The following PFKFB3 variants were observed in gnomAD, a reference collection of about 807,000 sequenced individuals.
PFKFB3 encodes the protein 6-phosphofructo-2-kinase/fructose-2,6-biphosphatase 3, also known as 6-phosphofructo-2-kinase/fructose-2,6-bisphosphatase 3.
A neutral mutation model predicts 68.0 loss-of-function variants in PFKFB3; 33 were observed. The ratio of observed to expected loss-of-function variants is 0.49; its 90% confidence interval spans 0.37 to 0.65. The LOEUF (loss-of-function observed/expected upper bound fraction) is 0.65. Ranked by LOEUF, PFKFB3 falls within the 30% of genes least tolerant of loss-of-function variation. The pLI, the probability that PFKFB3 is intolerant of heterozygous loss-of-function variation, is 0.00. For missense variants in PFKFB3, 586 were observed against 712.2 expected (o/e 0.82, Z 2.02); for synonymous variants, 315 against 288.2 (o/e 1.09, Z -0.94).
downstream of PFKFB3, among the ~76,000 whole-genome samples, chr10:6,236,500 G>A (rs1846015258): frequency 6.6e-6 from 1 of 152,170 alleles, no homozygotes. Flanking sequence ...CATCCCTTAG[G>A]CGCCTGCCGC....
chr10:6,260,295 C>G, the PFKFB3 span, among the ~76,000 whole-genome samples: 2 of 151,778 alleles, frequency 1.3e-5, no homozygotes, highest in Non-Finnish European at 1.5e-5. Context: ...TTCCTGTAGT[C>G]CTAGCTACAC....
At chr10:6,208,371 C>CTTGTTTTTTTTTTTT (rs1843932185) in intron 1 of PFKFB3, among the ~76,000 whole-genome samples, 1 of 60,624 alleles carries the variant, frequency 1.6e-5, no homozygotes, top group African/African-American at 6.7e-5. Flanking sequence ...GGTACCTGGC[C>CTTGTTTTTTTTTTTT]TTTTTTTTTT....
At chr10:6,313,333 T>C in the PFKFB3 span, among the ~76,000 whole-genome samples, 1 of 152,240 alleles carries the variant, frequency 6.6e-6, no homozygotes, top group African/African-American at 2.4e-5. This position sits in a 1 kb window ranked among gnomAD's most constrained non-coding sequence, Gnocchi z 4.2. Context: ...TGGCTGTTAC[T>C]ATCATTCATT....
At chr10:6,159,081 A>G (rs577551561) in intron 1 of PFKFB3, among the ~76,000 whole-genome samples, 2 of 152,228 alleles carry the variant, frequency 1.3e-5, no homozygotes, top group African/African-American at 4.8e-5. Flanking sequence ...AACTCTCAAT[A>G]TTGTTGATGA....
chr10:6,224,061 G>A (rs1340283353), intron 12 of PFKFB3, 41 bp downstream of exon 12: 1 of 1,612,532 alleles, frequency 6.2e-7, no homozygotes, highest in South Asian at 1.1e-5. Context: ...CCCTGAAGGT[G>A]GCCACAGTAG....
At chr10:6,319,201 A>G in the PFKFB3 span, among the ~76,000 whole-genome samples, 11 of 152,220 alleles carry the variant, frequency 7.2e-5, no homozygotes, top group African/African-American at 2.2e-4. Flanking sequence ...TAAAAGAGAT[A>G]CCTGCACTCC....
At chr10:6,151,319 C>T (rs1188428451) in intron 1 of PFKFB3, among the ~76,000 whole-genome samples, 2 of 151,310 alleles carry the variant, frequency 1.3e-5, no homozygotes, top group Non-Finnish European at 2.9e-5. Context: ...CGCAAGCAGC[C>T]TTTCCAGCTG....
the PFKFB3 span, among the ~76,000 whole-genome samples, chr10:6,307,330 T>TCCACAC: frequency 1.0e-5 from 1 of 99,186 alleles, no homozygotes; most frequent in Non-Finnish European, 2.6e-5. Flanking sequence ...GCATGCGTAC[T>TCCACAC]ACACACACAC....
rs561240687 is a variant in PFKFB3 at position 6,174,364 on chromosome 10, T to C, written c.16+29351T>C. ...GGGTTCTTAGAAGAGTCCTCTCTGG[T>C]AAACAATAAACAAGTGCTGTTCCGT... On this transcript the variant is annotated intron_variant, in intron 1 of 14. Coordinates refer to the PFKFB3 transcript ENST00000379789. 2.6e-5 allele frequency among the ~76,000 whole-genome samples: 4 copies of C among 152,322 alleles called. No homozygotes were observed. In the South Asian group the frequency reaches 8.3e-4, roughly 32 times the overall value.
At chr10:6,175,101 A>C (rs1002797432) in intron 1 of PFKFB3, among the ~76,000 whole-genome samples, 1 of 152,214 alleles carries the variant, frequency 6.6e-6, no homozygotes, top group Non-Finnish European at 1.5e-5. Flanking sequence ...GGCGTGAGCC[A>C]GTGCCCCCAG....
the PFKFB3 span, among the ~76,000 whole-genome samples, chr10:6,319,459 C>T: frequency 2.6e-5 from 4 of 152,054 alleles, no homozygotes; most frequent in African/African-American, 9.7e-5. Context: ...AACTAATGTG[C>T]ACACATGGAC....
At position 6,222,992 on chromosome 10, in the gene PFKFB3, G is replaced by C. The variant is rs143309452; in HGVS notation, c.1213+8G>C. ...TCCTGGATAAGAGTGCAGGTACCTCGGGCAGGTCGTGGCCCCGGGATGGAG... is the reference window on the plus strand; with the variant it reads ...TCCTGGATAAGAGTGCAGGTACCTCCGGCAGGTCGTGGCCCCGGGATGGAG... On this transcript the variant is annotated splice_region_variant and intron_variant, in intron 11 of 14. Transcript: ENST00000379775. 2.1e-5 allele frequency: 34 copies of C among 1,611,138 alleles called. No individual in the cohort carries two copies. Among genetic ancestry groups the C allele is most frequent in the Non-Finnish European group, 2.7e-5 (32 of 1,178,302 alleles).
In PFKFB3 at chr10:6,219,562, G is replaced by A. The variant is rs747195244; in HGVS notation, c.499-7G>A. ...GATTTATCAGCCACCCCTTTGTGGT[G>A]TTGCAGGAAGTTAAAATCTCCAGCC... On this transcript the variant is annotated splice_region_variant and splice_polypyrimidine_tract_variant and intron_variant, in intron 6 of 14. Coordinates refer to ENST00000379775, the MANE Select transcript of PFKFB3 (RefSeq NM_004566.4). The A allele has an allele frequency of 6.2e-7, 1 of 1,613,982 alleles. No homozygotes were observed. The highest frequency in any genetic ancestry group is 1.1e-5 in the South Asian group (1 of 91,076).
chr10:6,215,257 A>G lies in PFKFB3; in HGVS notation c.239A>G (p.Lys80Arg). The G allele has an allele frequency of 1.2e-6, 2 of 1,614,050 alleles. No homozygotes were observed. Among genetic ancestry groups the G allele is most frequent in the South Asian group, 1.1e-5 (1 of 91,076 alleles). Residue 80 changes from lysine (K) to arginine (R), a missense_variant, in exon 3 of 15, where the codon AAG becomes AGG. By Grantham distance (26) the Lys-to-Arg change is conservative. Transcript: ENST00000379775. The surrounding 1 kb of genome is among the most constrained non-coding windows in gnomAD (Gnocchi z 4.3). ...GGGGAGTATCGCCGGGAGGCTGTGA[A>G]GCAGTACAGCTCCTACAACTTCTTC... ...NVGEYRREAV[K>R]QYSSYNFFRP...
At chr10:6,248,499 C>A (rs926867525) in intron 14 of PFKFB3, among the ~76,000 whole-genome samples, 1 of 151,644 alleles carries the variant, frequency 6.6e-6, no homozygotes, top group African/African-American at 2.4e-5. Flanking sequence ...TGTGGTGGCA[C>A]GTGTCTATAA....
At chr10:6,226,851 C>T (rs936863428) in intron 14 of PFKFB3, among the ~76,000 whole-genome samples, 7 of 152,140 alleles carry the variant, frequency 4.6e-5, no homozygotes, top group African/African-American at 1.2e-4. Context: ...TTTGGGAGGC[C>T]GAGGTGGGCG....
At chr10:6,245,223 A>G (rs1428885543) in intron 14 of PFKFB3, among the ~76,000 whole-genome samples, 2 of 149,808 alleles carry the variant, frequency 1.3e-5, no homozygotes, top group Admixed American at 1.3e-4. Context: ...CAGCCTCCCG[A>G]GTAGCTGGGA....
At chr10:6,289,320 G>A in the PFKFB3 span, among the ~76,000 whole-genome samples, 42 of 151,554 alleles carry the variant, frequency 2.8e-4, no homozygotes, top group Admixed American at 4.6e-4. Context: ...TTTTCTTCTA[G>A]GGTTTTTATG....
chr10:6,293,354 C>T, the PFKFB3 span: 1 of 278,054 alleles, frequency 3.6e-6, no homozygotes, highest in East Asian at 1.0e-4. Flanking sequence ...TTCTTTCTTT[C>T]TTTCTTTCGG....
Sources: allele counts gnomAD v4.1 joint callset (sites outside exome capture counted in the v4.1 genomes callset), GRCh38; gene constraint gnomAD v4.1.1; non-coding constraint Gnocchi (gnomAD v3.1); transcripts MANE v1.5; gene names NCBI Gene and HGNC (gene_info 2026-07-23, HGNC 2026-07-21).